The following ARID1B variants were observed in gnomAD, a reference collection of about 807,000 sequenced individuals.
ARID1B encodes the protein AT-rich interactive domain-containing protein 1B.
A neutral mutation model predicts 212.3 loss-of-function variants in ARID1B; 30 were observed. That is an observed-to-expected ratio of 0.14 (90% confidence interval 0.11 to 0.19). ARID1B has a LOEUF of 0.19. ARID1B is among the 10% of genes least tolerant of loss of function. The pLI is 1.00. For synonymous variants in ARID1B, 1,402 were observed against 1,301.7 expected, an observed-to-expected ratio of 1.08 and a Z score of -1.66; for missense variants, 2,891 against 3,204.0, an observed-to-expected ratio of 0.90 and a Z score of 2.36.
At chr6:157,043,597 T>A (rs1169677096) in intron 4 of ARID1B, among the ~76,000 whole-genome samples, 2 of 152,124 alleles carry the variant, frequency 1.3e-5, no homozygotes, top group South Asian at 4.1e-4. Context: ...TAAGTACTGA[T>A]GATTAAGAGT....
intron 1 of ARID1B, among the ~76,000 whole-genome samples, chr6:156,780,028 T>G (rs1480954008): frequency 6.6e-6 from 1 of 152,130 alleles, no homozygotes; most frequent in Non-Finnish European, 1.5e-5. Context: ...GGGTTTTTCC[T>G]ACTTAGGGAG....
intron 1 of ARID1B, among the ~76,000 whole-genome samples, chr6:156,795,309 A>G (rs1359852398): frequency 6.6e-6 from 1 of 152,132 alleles, no homozygotes; most frequent in Admixed American, 6.5e-5. Context: ...GAAATCCATG[A>G]GTCCGAGGAA....
intron 15 of ARID1B, chr6:157,195,209 T>A (rs1793634156): frequency 6.6e-6 from 1 of 152,248 alleles, no homozygotes. Context: ...ACTGGGCCTC[T>A]GCTCAGGGTC....
intron 4 of ARID1B, chr6:156,984,982 C>T (rs1562528591): frequency 6.6e-6 from 1 of 152,252 alleles, no homozygotes; most frequent in African/African-American, 2.4e-5. Flanking sequence ...GTGAGAGCCA[C>T]TGCACCTGGC....
intron 4 of ARID1B, among the ~76,000 whole-genome samples, chr6:157,051,487 TAAAG>T (rs1176552105): frequency 6.6e-6 from 1 of 152,200 alleles, no homozygotes; most frequent in Non-Finnish European, 1.5e-5. Context: ...AAAAAAATGT[TAAAG>T]GAATCGTTTT....
intron 2 of ARID1B, among the ~76,000 whole-genome samples, chr6:156,839,971 G>A (rs942764301): frequency 1.3e-5 from 2 of 152,226 alleles, no homozygotes; most frequent in Admixed American, 6.5e-5. Context: ...ATTTGAGTTC[G>A]GATTTCTAAA....
rs1247623987 is a variant in ARID1B, at chr6:157,190,696, G to A, written c.4231+486G>A. Reference sequence around the variant, plus strand: ...AATCAGAGTCGCTGCCCACCTTCAGGGAATCACAGACTCCCTGCCTTCTTA... The same window carrying A: ...AATCAGAGTCGCTGCCCACCTTCAGAGAATCACAGACTCCCTGCCTTCTTA... On this transcript the variant is annotated intron_variant, in intron 15 of 19. Coordinates refer to ENST00000636930, the MANE Select transcript of ARID1B (RefSeq NM_001374828.1). This position sits in a 1 kb window ranked among gnomAD's most constrained non-coding sequence, Gnocchi z 4.6. 6.6e-6 allele frequency among the ~76,000 whole-genome samples: 1 copy of A among 152,042 alleles called. No homozygotes were observed. Among genetic ancestry groups the A allele is most frequent in the East Asian group, 1.9e-4 (1 of 5,178 alleles).
intron 1 of ARID1B, among the ~76,000 whole-genome samples, chr6:156,790,076 A>T (rs962647995): frequency 6.6e-6 from 1 of 152,252 alleles, no homozygotes; most frequent in African/African-American, 2.4e-5. Context: ...GGCAGTTTTC[A>T]AATTTCCTGA....
intron 11 of ARID1B, among the ~76,000 whole-genome samples, chr6:157,180,134 G>T (rs1280562076): frequency 6.6e-6 from 1 of 152,064 alleles, no homozygotes; most frequent in Non-Finnish European, 1.5e-5. Context: ...GATACAGTTG[G>T]CCCGCCTAGG....
At chr6:156,936,719 A>G (rs1401046012) in intron 4 of ARID1B, 2 of 151,888 alleles carry the variant, frequency 1.3e-5, no homozygotes, top group African/African-American at 4.8e-5. Context: ...CATTTATTTG[A>G]AGAATTGTTG....
intron 3 of ARID1B, among the ~76,000 whole-genome samples, chr6:156,918,295 A>G (rs1790517271): frequency 1.3e-5 from 2 of 152,214 alleles, no homozygotes; most frequent in South Asian, 2.1e-4. Context: ...ATATAGAAAT[A>G]AGACCAAAAT....
chr6:156,812,974 G>GTGTGTA (rs1554254427), intron 1 of ARID1B, among the ~76,000 whole-genome samples: 22 of 84,520 alleles, frequency 2.6e-4, no homozygotes, highest in East Asian at 2.0e-3. Context: ...GTGTGTGTGT[G>GTGTGTA]TGTATGTATA....
chr6:156,861,958 G>A (rs1321844957), intron 2 of ARID1B, among the ~76,000 whole-genome samples: 1 of 152,204 alleles, frequency 6.6e-6, no homozygotes, highest in African/African-American at 2.4e-5. Context: ...TCAGGCAAAG[G>A]AGGGTTTCTG....
intron 4 of ARID1B, among the ~76,000 whole-genome samples, chr6:156,967,750 AATT>A (rs1368550452): frequency 5.3e-5 from 8 of 152,248 alleles, no homozygotes; most frequent in South Asian, 2.1e-4. Flanking sequence ...AATGAGGTCA[AATT>A]ATTATTTTTT....
Position 157,066,575 on chromosome 6 carries a change from C to T in ARID1B, c.2248-18087C>T, listed in dbSNP as rs183734850. On this transcript the variant is annotated intron_variant, in intron 4 of 19. Coordinates refer to ENST00000636930, the MANE Select transcript of ARID1B (RefSeq NM_001374828.1). The stretch of plus-strand genomic sequence containing the variant: ...TGTATGATGATATTATAGCCTTTAA[C>T]GGATAGCTTATGTCTGAGTTCATGG... Among the ~76,000 whole-genome samples, 346 of 152,158 alleles carry T rather than the reference C, an allele frequency of 2.3e-3. 5 individuals are homozygous for T. Among genetic ancestry groups the T allele is most frequent in the Non-Finnish European group, 4.3e-4 (29 of 68,010 alleles).
chr6:157,184,188 C>G (rs2128324364), intron 12 of ARID1B, 43 bp from the exon 13 acceptor site: 1 of 1,543,946 alleles, frequency 6.5e-7, no homozygotes, highest in South Asian at 1.2e-5. Flanking sequence ...TTTAAACAAG[C>G]CACTTTGTTG....
chr6:156,931,467 T>A (rs910718694), intron 3 of ARID1B, among the ~76,000 whole-genome samples: 1 of 152,158 alleles, frequency 6.6e-6, no homozygotes, highest in African/African-American at 2.4e-5. Context: ...CATTTCATAC[T>A]GTGATATGTT....
At chr6:157,047,228 C>T (rs1782296434) in intron 4 of ARID1B, among the ~76,000 whole-genome samples, 2 of 152,148 alleles carry the variant, frequency 1.3e-5, no homozygotes, top group South Asian at 4.1e-4. Flanking sequence ...TGGGTATGAG[C>T]ACACTCTGTG....
rs1794599381 is a variant in ARID1B, at chr6:157,208,119, T to C, written c.*228T>C. 8.8e-6 allele frequency: 4 copies of C among 456,740 alleles called. No homozygotes were observed. Among genetic ancestry groups the C allele is most frequent in the Admixed American group, 4.3e-5 (1 of 23,008 alleles). The allele number at this position is 456,740 out of a possible 1,614,324, so 28.3% of individuals were successfully genotyped here. A position where few individuals can be genotyped will look rare whatever the true frequency, so the allele number is the denominator to read the frequency against. On this transcript the variant is annotated 3_prime_UTR_variant, in exon 20 of 20. Transcript: ENST00000636930. ...AGTACATCCTTTGGGGTTTTTTTTT[T>C]CTCTTTTTTTTAACCAAAGTTGCTG...
Sources: gnomAD v4.1 joint callset for allele counts (sites outside exome capture counted in the v4.1 genomes callset) on GRCh38, gnomAD v4.1.1 for gene constraint, Gnocchi (gnomAD v3.1) non-coding constraint, MANE v1.5 for transcripts, NCBI Gene and HGNC (gene_info 2026-07-23, HGNC 2026-07-21) for gene names.